Variants in CIMAP2 observed in about 807,000 individuals in gnomAD.
CIMAP2 encodes ciliary microtubule-associated protein 2.
the CIMAP2 span, chr1:54,811,765 G>GCCGGGGGGGGCGGGGGCCCCCCCCCC: frequency 7.7e-7 from 1 of 1,301,332 alleles, no homozygotes; most frequent in Non-Finnish European, 1.1e-6. Context: ...GGTTCTGACA[G>GCCGGGGGGGGCGGGGGCCCCCCCCCC]CCTCCATGCC....
At chr1:54,814,073 T>C in the CIMAP2 span, 2 of 1,384,926 alleles carry the variant, frequency 1.4e-6, no homozygotes, top group Non-Finnish European at 1.9e-6. Context: ...AGGGAATAGC[T>C]CAGTCTTGGG....
At chr1:54,808,990 G>GTTTAGCATTCCTCCCCCC in the CIMAP2 span, among the ~76,000 whole-genome samples, 1 of 147,038 alleles carries the variant, frequency 6.8e-6, no homozygotes, top group African/African-American at 2.5e-5. Flanking sequence ...TCTTGTGTGT[G>GTTTAGCATTCCTCCCCCC]ACTGGACAGC....
chr1:54,833,122 A>G, the CIMAP2 span, among the ~76,000 whole-genome samples: 2 of 152,216 alleles, frequency 1.3e-5, no homozygotes, highest in Non-Finnish European at 2.9e-5. Context: ...AGTGGTGGTC[A>G]GGCAGGAGCC....
chr1:54,827,724 GT>G, the CIMAP2 span, among the ~76,000 whole-genome samples: 8 of 152,336 alleles, frequency 5.3e-5, no homozygotes, highest in African/African-American at 1.9e-4. Context: ...TTGGAGGCAT[GT>G]TGCACACACT....
At chr1:54,838,256 G>C in the CIMAP2 span, among the ~76,000 whole-genome samples, 3 of 152,218 alleles carry the variant, frequency 2.0e-5, no homozygotes, top group East Asian at 5.8e-4. Flanking sequence ...GCTGAGGCAG[G>C]CAGATCACCT....
At chr1:54,814,978 C>G in the CIMAP2 span, 1 of 1,614,198 alleles carries the variant, frequency 6.2e-7, no homozygotes, top group Non-Finnish European at 8.5e-7. Flanking sequence ...AACCAGCCCC[C>G]ATTCCTGTTG....
the CIMAP2 span, among the ~76,000 whole-genome samples, chr1:54,812,800 G>A: frequency 6.6e-6 from 1 of 152,216 alleles, no homozygotes; most frequent in Non-Finnish European, 1.5e-5. Flanking sequence ...TAGTAGGTGA[G>A]GTACAGGGGA....
chr1:54,807,502 A>T, the CIMAP2 span: 10 of 1,482,612 alleles, frequency 6.7e-6, no homozygotes, highest in Admixed American at 2.5e-5. Context: ...TGGCTGTCAC[A>T]GCTCTGACCA....
chr1:54,811,765 G>GCCGGGGGGGGGGGGGGGGCCC, the CIMAP2 span: 3 of 1,301,332 alleles, frequency 2.3e-6, no homozygotes, highest in Non-Finnish European at 3.3e-6. Context: ...GGTTCTGACA[G>GCCGGGGGGGGGGGGGGGGCCC]CCTCCATGCC....
At chr1:54,812,136 A>G in the CIMAP2 span, 2 of 1,614,016 alleles carry the variant, frequency 1.2e-6, no homozygotes, top group Non-Finnish European at 1.7e-6. Flanking sequence ...CCCCTATGAC[A>G]CTTTCTCTGG....
chr1:54,809,714 G>A, the CIMAP2 span, among the ~76,000 whole-genome samples: 1 of 152,058 alleles, frequency 6.6e-6, no homozygotes, highest in Non-Finnish European at 1.5e-5. Context: ...AGTCTCTGTG[G>A]AGACCAAGGC....
At chr1:54,820,019 TC>T in the CIMAP2 span, among the ~76,000 whole-genome samples, 2 of 89,974 alleles carry the variant, frequency 2.2e-5, no homozygotes, top group African/African-American at 3.9e-5. Context: ...TTTCCTTCTT[TC>T]CTTCCTTCCT....
the CIMAP2 span, among the ~76,000 whole-genome samples, chr1:54,808,617 G>GGGGGC: frequency 2.1e-4 from 26 of 122,628 alleles, 1 homozygote; most frequent in African/African-American, 7.6e-4. Context: ...GCTGCCGGGG[G>GGGGGC]AGGGCAGTGG....
chr1:54,820,112 C>CTTTCTTTCTT, the CIMAP2 span, among the ~76,000 whole-genome samples: 1 of 8,314 alleles, frequency 1.2e-4, no homozygotes, highest in East Asian at 1.6e-3. Flanking sequence ...TTCTCTCTCT[C>CTTTCTTTCTT]TCTTTCTTTC....
At chr1:54,834,206 C>T in the CIMAP2 span, among the ~76,000 whole-genome samples, 10 of 152,302 alleles carry the variant, frequency 6.6e-5, no homozygotes, top group East Asian at 3.9e-4. Flanking sequence ...CCATCTATAG[C>T]GCTGCTTAAA....
chr1:54,841,913 CAAA>C, the CIMAP2 span: 1 of 1,536,830 alleles, frequency 6.5e-7, no homozygotes, highest in South Asian at 1.2e-5. Context: ...CCAGAGAGCC[CAAA>C]GGCCTGAAGA....
the CIMAP2 span, chr1:54,808,053 C>T: frequency 1.3e-6 from 2 of 1,496,290 alleles, no homozygotes; most frequent in Admixed American, 2.4e-5. Context: ...GAGAGCCTGG[C>T]ATACACTGGG....
At chr1:54,807,737 C>A in the CIMAP2 span, 1 of 1,541,098 alleles carries the variant, frequency 6.5e-7, no homozygotes, top group South Asian at 1.3e-5. Context: ...GCCAGGTCTT[C>A]CTGTCCATTG....
chr1:54,830,167 C>T, the CIMAP2 span, among the ~76,000 whole-genome samples: 1 of 152,184 alleles, frequency 6.6e-6, no homozygotes, highest in Admixed American at 6.5e-5. The surrounding 1 kb of genome is among the most constrained non-coding windows in gnomAD (Gnocchi z 4.1). Context: ...CTACAGTTCT[C>T]AATATTTAGT....
Sources: gnomAD v4.1 joint callset for allele counts (sites outside exome capture counted in the v4.1 genomes callset) on GRCh38, gnomAD v4.1.1 for gene constraint, Gnocchi (gnomAD v3.1) non-coding constraint, MANE v1.5 for transcripts, NCBI Gene and HGNC (gene_info 2026-07-23, HGNC 2026-07-21) for gene names.